Variants in EEF1AKMT1 observed in about 807,000 individuals in gnomAD.
The protein encoded by EEF1AKMT1 is EEF1A lysine methyltransferase 1.
Under a neutral mutation model 21.0 loss-of-function variants are expected in EEF1AKMT1, and 18 were observed. The ratio of observed to expected loss-of-function variants is 0.86; its 90% CI spans 0.59 to 1.27. EEF1AKMT1 has a LOEUF of 1.27. Among genes scored for constraint, EEF1AKMT1 ranks in the 50% most tolerant of loss-of-function variants. The pLI is 0.00. For synonymous variants in EEF1AKMT1, 109 were observed against 94.8 expected, an observed-to-expected ratio of 1.15 and a Z score of -0.87; for missense variants, 246 against 258.6, an observed-to-expected ratio of 0.95 and a Z score of 0.33.
chr13:20,742,142 G>T (rs1388602483), intron 2 of EEF1AKMT1, among the ~76,000 whole-genome samples: 1 of 152,098 alleles, frequency 6.6e-6, no homozygotes, highest in Non-Finnish European at 1.5e-5. Flanking sequence ...GGTAGATATT[G>T]CCAAATTGCC....
At position 20,729,034 on chromosome 13, in the gene EEF1AKMT1, G is replaced by T; in HGVS notation, c.*46C>A. 6.2e-7 allele frequency: 1 copy of T among 1,608,890 alleles called. No homozygotes were observed. The highest frequency in any genetic ancestry group is 8.5e-7 in the Non-Finnish European group (1 of 1,175,594). On this transcript the variant is annotated 3_prime_UTR_variant, in exon 5 of 5. Transcript: ENST00000382758. ...TAAATCTACTACGAAAATACAAAAA[G>T]AGGAATGTGACAGGGTTCCTTCCTG...
At chr13:20,769,405 T>C (rs1374590771) in intron 1 of EEF1AKMT1, 2 of 152,240 alleles carry the variant, frequency 1.3e-5, no homozygotes, top group African/African-American at 2.4e-5. Context: ...TCCCTCTGGC[T>C]AAAGTGACCT....
rs1045344423 is a variant in EEF1AKMT1, at chr13:20,741,576, C to T, written c.145-3771G>A. Among the ~76,000 whole-genome samples, 7 of 151,494 alleles carry T rather than the reference C, an allele frequency of 4.6e-5. No individual in the cohort carries two copies. The East Asian group carries it at 1.4e-3, about 30-fold the overall frequency. ...GATTCAAGCAGTTCTCCTGCCTCAG[C>T]CTCCCGAGTAGCTGGGATTACAGGT... On this transcript the variant is annotated intron_variant, in intron 2 of 4. Coordinates refer to ENST00000382758, the MANE Select transcript of EEF1AKMT1 (RefSeq NM_001318939.2).
intron 2 of EEF1AKMT1, among the ~76,000 whole-genome samples, chr13:20,743,565 CCATTTTGCTCCA>C (rs1362562179): frequency 6.6e-6 from 1 of 151,238 alleles, no homozygotes. Flanking sequence ...ATTTTGCTCC[CCATTTTGCTCCA>C]ATCATCACTT....
At chr13:20,771,040 C>T (rs918460376) in intron 1 of EEF1AKMT1, among the ~76,000 whole-genome samples, 9 of 152,090 alleles carry the variant, frequency 5.9e-5, no homozygotes, top group African/African-American at 2.2e-4. Flanking sequence ...CTACCATGTC[C>T]AGCTAATTTT....
In EEF1AKMT1 at chr13:20,734,052, C is replaced by G. The variant is rs375646706; in HGVS notation, c.228-1931G>C. Among the ~76,000 whole-genome samples, 133 of 152,298 alleles carry G rather than the reference C, an allele frequency of 8.7e-4. 3 individuals are homozygous for G. The South Asian group carries it at 0.026, about 29-fold the overall frequency. ...CTCTCCCTGCACAGCAGCTCTAGAT[C>G]AGGGCGGTAGGAGGGGGAAAAGAAG... is the stretch of plus-strand genomic sequence containing the variant. On this transcript the variant is annotated intron_variant, in intron 3 of 4. Coordinates refer to ENST00000382758, the MANE Select transcript of EEF1AKMT1 (RefSeq NM_001318939.2).
intron 1 of EEF1AKMT1, among the ~76,000 whole-genome samples, chr13:20,767,835 T>C (rs2059043600): frequency 6.6e-6 from 1 of 152,346 alleles, no homozygotes; most frequent in Admixed American, 6.5e-5. Context: ...TAAACTTCTT[T>C]CTCTTTGTAT....
intron 2 of EEF1AKMT1, among the ~76,000 whole-genome samples, chr13:20,753,721 TA>T (rs1407746908): frequency 2.0e-5 from 3 of 152,240 alleles, no homozygotes; most frequent in African/African-American, 7.2e-5. Context: ...TTATCTGATA[TA>T]AGCACAGCTA....
In EEF1AKMT1 at chr13:20,763,454, T is replaced by C. The variant is rs554965826; in HGVS notation, c.-19-5837A>G. On this transcript the variant is annotated intron_variant, in intron 1 of 4. Coordinates refer to ENST00000382758, the MANE Select transcript of EEF1AKMT1 (RefSeq NM_001318939.2). The stretch of plus-strand genomic sequence containing the variant: ...TCCCTAGCATTTAAGGCCCGAAATT[T>C]TTGTTTTTTTTTTTTGAAACAGAAT... 1.5e-4 allele frequency among the ~76,000 whole-genome samples: 23 copies of C among 151,574 alleles called. 1 individual carries two copies. The East Asian group carries it at 4.2e-3, about 28-fold the overall frequency.
At chr13:20,751,634 C>T (rs1159152638) in intron 2 of EEF1AKMT1, among the ~76,000 whole-genome samples, 2 of 150,744 alleles carry the variant, frequency 1.3e-5, no homozygotes, top group Admixed American at 6.6e-5. Flanking sequence ...TTGCTTTGGC[C>T]ATTCAGGCTG....
At chr13:20,739,130 G>T (rs576289187) in intron 2 of EEF1AKMT1, among the ~76,000 whole-genome samples, 2 of 152,090 alleles carry the variant, frequency 1.3e-5, no homozygotes, top group Non-Finnish European at 2.9e-5. Context: ...CAACTCCTAA[G>T]ATGGCACATC....
chr13:20,743,769 C>T (rs1244475651), intron 2 of EEF1AKMT1, among the ~76,000 whole-genome samples: 1 of 151,062 alleles, frequency 6.6e-6, no homozygotes, highest in East Asian at 1.9e-4. Flanking sequence ...GTTTGGGGCA[C>T]TAATCAACCC....
intron 2 of EEF1AKMT1, chr13:20,747,843 C>G (rs1259441206): frequency 1.2e-5 from 2 of 166,406 alleles, no homozygotes; most frequent in Non-Finnish European, 2.7e-5. Context: ...ATAGCCATCT[C>G]TCACTCCACC....
intron 1 of EEF1AKMT1, among the ~76,000 whole-genome samples, chr13:20,762,409 G>A (rs753636361): frequency 1.4e-4 from 21 of 151,510 alleles, no homozygotes; most frequent in Non-Finnish European, 2.7e-4. Flanking sequence ...GGCTAGTTTC[G>A]AACTCCTAAC....
chr13:20,755,360 T>C (rs1003921890), intron 2 of EEF1AKMT1, among the ~76,000 whole-genome samples: 7 of 152,242 alleles, frequency 4.6e-5, no homozygotes, highest in Admixed American at 1.3e-4. Context: ...GGACTTGGCA[T>C]GTGCTCCCTA....
chr13:20,763,359 T>C (rs2059010788), intron 1 of EEF1AKMT1, among the ~76,000 whole-genome samples: 1 of 152,152 alleles, frequency 6.6e-6, no homozygotes, highest in Non-Finnish European at 1.5e-5. Context: ...AGATGCTAGG[T>C]TGGTGCAAAG....
intron 1 of EEF1AKMT1, among the ~76,000 whole-genome samples, chr13:20,771,888 A>G (rs1024478322): frequency 1.3e-5 from 2 of 152,056 alleles, no homozygotes; most frequent in African/African-American, 4.8e-5. Flanking sequence ...GCAGGCACCT[A>G]TAGCGCCAGC....
At chr13:20,743,563 C>T (rs1277567443) in intron 2 of EEF1AKMT1, among the ~76,000 whole-genome samples, 1 of 151,292 alleles carries the variant, frequency 6.6e-6, no homozygotes, top group Non-Finnish European at 1.5e-5. Flanking sequence ...GCATTTTGCT[C>T]CCCATTTTGC....
chr13:20,772,032 A>C (rs575677989), intron 1 of EEF1AKMT1, among the ~76,000 whole-genome samples: 2 of 152,182 alleles, frequency 1.3e-5, no homozygotes, highest in Non-Finnish European at 2.9e-5. Flanking sequence ...AATTAAATTA[A>C]ATGAACCTAT....
Sources: allele counts gnomAD v4.1 joint callset (sites outside exome capture counted in the v4.1 genomes callset), GRCh38; gene constraint gnomAD v4.1.1; transcripts MANE v1.5; gene names NCBI Gene and HGNC (gene_info 2026-07-23, HGNC 2026-07-21).